Variants in CCDC171 observed in about 807,000 individuals in gnomAD.
CCDC171 encodes coiled-coil domain-containing protein 171.
CCDC171 carries 177 observed loss-of-function variants against 168.2 expected under a neutral mutation model. That is an observed-to-expected ratio of 1.05 (90% confidence interval 0.93 to 1.19). The LOEUF is 1.19. CCDC171 is among the 50% of genes most tolerant of loss of function. The probability of loss-of-function intolerance (pLI) is 0.00; values close to 1 mark genes in which losing one functional copy is unlikely to be tolerated. For synonymous variants in CCDC171, 687 were observed against 540.8 expected, an observed-to-expected ratio of 1.27 and a Z score of -3.75; for missense variants, 1,991 against 1,539.0, an observed-to-expected ratio of 1.29 and a Z score of -4.91.
the CCDC171 span, among the ~76,000 whole-genome samples, chr9:16,073,398 G>T: frequency 6.6e-6 from 1 of 152,170 alleles, no homozygotes; most frequent in Admixed American, 6.5e-5. Flanking sequence ...TTACTTATTT[G>T]CTGAAAGTTC....
intron 16 of CCDC171, among the ~76,000 whole-genome samples, chr9:15,734,946 A>G (rs2054392059): frequency 6.6e-6 from 1 of 152,170 alleles, no homozygotes; most frequent in South Asian, 2.1e-4. Context: ...CTATTCTTAG[A>G]GTCTTATGTT....
chr9:16,091,964 G>T, the CCDC171 span, among the ~76,000 whole-genome samples: 1 of 152,156 alleles, frequency 6.6e-6, no homozygotes, highest in South Asian at 2.1e-4. Flanking sequence ...CAGGCTCTGG[G>T]CTCAGCTTGT....
chr9:15,802,324 T>C (rs1389138355), intron 21 of CCDC171, among the ~76,000 whole-genome samples: 1 of 152,032 alleles, frequency 6.6e-6, no homozygotes, highest in Non-Finnish European at 1.5e-5. Flanking sequence ...ATGTGTGCCA[T>C]TGTGGTTTGC....
At chr9:15,600,408 C>A (rs2042746758) in intron 6 of CCDC171, among the ~76,000 whole-genome samples, 1 of 152,186 alleles carries the variant, frequency 6.6e-6, no homozygotes, top group Admixed American at 6.5e-5. Context: ...CCACTCCAGA[C>A]CCTGTTTGCC....
upstream of CCDC171, among the ~76,000 whole-genome samples, chr9:16,040,276 T>C (rs1833551980): frequency 6.6e-6 from 1 of 151,950 alleles, no homozygotes; most frequent in South Asian, 2.1e-4. Context: ...CTTATCTTGA[T>C]CCCCCCACTT....
chr9:15,752,880 A>C (rs886895112), intron 18 of CCDC171, among the ~76,000 whole-genome samples: 1 of 152,168 alleles, frequency 6.6e-6, no homozygotes, highest in Admixed American at 6.5e-5. Flanking sequence ...CCCAGAACTT[A>C]AAGTACATAT....
chr9:15,652,243 T>A (rs1399102981), intron 7 of CCDC171, among the ~76,000 whole-genome samples: 2 of 152,216 alleles, frequency 1.3e-5, no homozygotes, highest in Admixed American at 1.3e-4. Context: ...CCAAATTTAT[T>A]CTTTTGCCTA....
chr9:15,872,538 C>T (rs2062086437), intron 23 of CCDC171, among the ~76,000 whole-genome samples: 1 of 151,894 alleles, frequency 6.6e-6, no homozygotes, highest in South Asian at 2.1e-4. Context: ...TGCTTTTGTA[C>T]TTTGACATCC....
At chr9:15,746,683 G>C (rs920126070) in intron 18 of CCDC171, among the ~76,000 whole-genome samples, 4 of 152,208 alleles carry the variant, frequency 2.6e-5, no homozygotes, top group African/African-American at 7.2e-5. Context: ...CAGCAAGATT[G>C]ATGCAGAAGA....
At chr9:15,560,930 G>T (rs190172010) in intron 1 of CCDC171, among the ~76,000 whole-genome samples, 2 of 152,004 alleles carry the variant, frequency 1.3e-5, no homozygotes, top group African/African-American at 4.8e-5. Context: ...ATGTTTATTC[G>T]TTTTCCTTCT....
chr9:16,062,407 G>A (rs370084740), downstream of CCDC171, among the ~76,000 whole-genome samples: 2 of 152,166 alleles, frequency 1.3e-5, no homozygotes, highest in African/African-American at 4.8e-5. Context: ...CTTGAGGGTG[G>A]AAGCTGGGAG....
At chr9:15,787,874 A>G (rs1238610855) in intron 21 of CCDC171, among the ~76,000 whole-genome samples, 1 of 152,182 alleles carries the variant, frequency 6.6e-6, no homozygotes, top group African/African-American at 2.4e-5. Context: ...AATTTTTATA[A>G]GCATATTGGT....
At chr9:15,605,430 A>G (rs1056057900) in intron 6 of CCDC171, among the ~76,000 whole-genome samples, 7 of 151,130 alleles carry the variant, frequency 4.6e-5, no homozygotes, top group African/African-American at 1.7e-4. Context: ...TTGTAATCCC[A>G]GCACTTTGGG....
chr9:15,860,584 T>C (rs1421683289), intron 23 of CCDC171, among the ~76,000 whole-genome samples: 1 of 152,044 alleles, frequency 6.6e-6, no homozygotes, highest in Non-Finnish European at 1.5e-5. Flanking sequence ...ATACTTTGTT[T>C]CTGGTTTCAT....
At chr9:15,786,160 C>G (rs1156393921) in intron 21 of CCDC171, among the ~76,000 whole-genome samples, 1 of 152,014 alleles carries the variant, frequency 6.6e-6, no homozygotes, top group Admixed American at 6.6e-5. Context: ...GAAAACTAGA[C>G]AAATGCCAGG....
At chr9:15,984,473 C>T (rs1481794220) in intron 3 of CCDC171, among the ~76,000 whole-genome samples, 1 of 131,508 alleles carries the variant, frequency 7.6e-6, no homozygotes, top group East Asian at 2.1e-4. Flanking sequence ...TATGTATATA[C>T]ATATATATGT....
intron 6 of CCDC171, among the ~76,000 whole-genome samples, chr9:15,620,822 G>T (rs1587469710): frequency 6.6e-6 from 1 of 152,060 alleles, no homozygotes; most frequent in African/African-American, 2.4e-5. Context: ...GGCACTGACT[G>T]CCCAGCCTTC....
At chr9:15,799,624 A>G (rs189023620) in intron 21 of CCDC171, among the ~76,000 whole-genome samples, 1 of 152,144 alleles carries the variant, frequency 6.6e-6, no homozygotes, top group East Asian at 1.9e-4. Flanking sequence ...GAACAATCCA[A>G]TTATACTCTT....
chr9:15,774,749 A>G (rs1046786301), intron 18 of CCDC171, among the ~76,000 whole-genome samples: 4 of 152,272 alleles, frequency 2.6e-5, no homozygotes, highest in Admixed American at 6.5e-5. Flanking sequence ...ATTGGTATCT[A>G]TATACCATGG....
Sources: allele counts gnomAD v4.1 joint callset (sites outside exome capture counted in the v4.1 genomes callset), GRCh38; gene constraint gnomAD v4.1.1; transcripts MANE v1.5; gene names NCBI Gene and HGNC (gene_info 2026-07-23, HGNC 2026-07-21).